Variants in GPR17 observed in about 807,000 individuals in gnomAD.
GPR17 encodes the protein G protein-coupled receptor 17.
A neutral mutation model predicts 1.5 loss-of-function variants in GPR17; 4 were observed. The ratio of observed to expected loss-of-function variants is 2.73; its 90% CI spans 1.35 to 6.25. The LOEUF is 6.25. Among genes scored for constraint, GPR17 ranks in the 30% most tolerant of loss-of-function variants. The pLI, the probability that GPR17 is intolerant of heterozygous loss-of-function variation, is 0.00. For missense variants in GPR17, 463 were observed against 462.1 expected (o/e 1.00, Z -0.02); for synonymous variants, 209 against 207.6 (o/e 1.01, Z -0.06).
chr2:127,651,545 C>T lies in GPR17; in HGVS notation c.810C>T (p.Ala270=). The T allele has an allele frequency of 6.2e-7, 1 of 1,612,624 alleles. No homozygotes were observed. The highest frequency in any genetic ancestry group is 1.6e-4 in the Middle Eastern group (1 of 6,062). ...LHYRSHGASC[A]TQRILALANR... ...ACCGCAGCCATGGGGCCTCCTGCGC[C>T]ACCCAGCGCATCCTGGCCCTGGCAA... The change falls in exon 2 of 2, where the codon GCC becomes GCT. Residue 270 remains alanine (A), a synonymous_variant. Coordinates refer to ENST00000486700, the MANE Select transcript of GPR17 (RefSeq NM_001161417.2).
chr2:127,651,273 G>A lies in GPR17; in HGVS notation c.538G>A (p.Val180Ile), dbSNP rs1159607086. ...GACCGTGCAGACCAACCACACGGTGGTCTGCCTGCAGCTGTACCGGGAGAA... is the reference window on the plus strand; with the variant it reads ...GACCGTGCAGACCAACCACACGGTGATCTGCCTGCAGCTGTACCGGGAGAA... ...PQTVQTNHTVVCLQLYREKAS... is the reference protein window; with the variant it reads ...PQTVQTNHTVICLQLYREKAS... Residue 180 changes from valine to isoleucine, a missense_variant, in exon 2 of 2, where the codon GTC (valine) becomes ATC (isoleucine). Val to Ile is a conservative substitution (Grantham distance 29). Coordinates refer to ENST00000486700, the MANE Select transcript of GPR17 (RefSeq NM_001161417.2). The A allele has an allele frequency of 8.1e-6, 13 of 1,606,702 alleles. No individual in the cohort carries two copies. The highest frequency in any genetic ancestry group is 8.5e-6 in the Non-Finnish European group (10 of 1,179,628).
Position 127,651,512 on chromosome 2 carries a change from G to C in GPR17, c.777G>C (p.Val259=). Residue 259 remains valine (V), a synonymous_variant, in exon 2 of 2, where the codon GTG becomes GTC. Transcript: ENST00000486700. ...ACCACGTCAACCGCTCCGTCTACGT[G>C]CTGCACTACCGCAGCCATGGGGCCT... ...VPYHVNRSVY[V]LHYRSHGASC... 1.2e-6 allele frequency: 2 copies of C among 1,612,698 alleles called. No individual in the cohort carries two copies.
chr2:127,649,213 G>A (rs1386492213), intron 1 of GPR17, among the ~76,000 whole-genome samples: 2 of 63,688 alleles, frequency 3.1e-5, no homozygotes, highest in Admixed American at 1.3e-4. Flanking sequence ...GGAAGGAAGG[G>A]CAGGGAGAAA....
Position 127,651,596 on chromosome 2 carries a change from C to A in GPR17, c.861C>A (p.Ser287Arg), listed in dbSNP as rs996419857. 3 of 1,613,448 alleles carry A rather than the reference C, an allele frequency of 1.9e-6. No homozygotes were observed. The highest frequency in any genetic ancestry group is 2.5e-6 in the Non-Finnish European group (3 of 1,180,042). ...LANRITSCLTSLNGALDPIMY... is the reference protein window; with the variant it reads ...LANRITSCLTRLNGALDPIMY... ...ACCGCATCACCTCCTGCCTCACCAG[C>A]CTCAACGGGGCACTCGACCCCATCA... Residue 287 changes from serine to arginine, a missense_variant, in exon 2 of 2, where the codon AGC becomes AGA. Ser to Arg is a moderately radical substitution (Grantham distance 110, BLOSUM62 -1). Transcript: ENST00000486700.
At position 127,651,638 on chromosome 2, in the gene GPR17, T is replaced by G; in HGVS notation, c.903T>G (p.Ala301=). Residue 301 remains alanine (A), a synonymous_variant, in exon 2 of 2, where the codon GCT becomes GCG. Transcript: ENST00000486700. ...ACCCCATCATGTATTTCTTCGTGGC[T>G]GAGAAGTTCCGCCACGCCCTGTGCA... The part of the protein sequence containing the change: ...ALDPIMYFFV[A]EKFRHALCNL... 1.2e-6 allele frequency: 2 copies of G among 1,613,502 alleles called. No individual in the cohort carries two copies. Among genetic ancestry groups the G allele is most frequent in the Admixed American group, 1.7e-5 (1 of 60,030 alleles).
chr2:127,650,317 C>G (rs1377568080), intron 1 of GPR17: 4 of 564,934 alleles, frequency 7.1e-6, no homozygotes, highest in Admixed American at 6.5e-5. Context: ...CTGCCCCCGC[C>G]CCTCACCACC....
rs1377983309 is a variant in GPR17 at position 127,651,555 on chromosome 2, A to G, written c.820A>G (p.Ile274Val). Reference protein sequence around the residue: ...SHGASCATQRILALANRITSC... With the variant: ...SHGASCATQRVLALANRITSC... ...TGGGGCCTCCTGCGCCACCCAGCGC[A>G]TCCTGGCCCTGGCAAACCGCATCAC... The change falls in exon 2 of 2, where the codon ATC becomes GTC. Residue 274 changes from isoleucine to valine, a missense_variant. Physicochemically the swap from Ile to Val is conservative, Grantham distance 29 (BLOSUM62 3). Coordinates refer to ENST00000486700, the MANE Select transcript of GPR17 (RefSeq NM_001161417.2). 10 of 1,612,578 alleles carry G rather than the reference A, an allele frequency of 6.2e-6. No individual in the cohort carries two copies. The highest frequency in any genetic ancestry group is 8.5e-6 in the Non-Finnish European group (10 of 1,180,034).
chr2:127,652,043 C>A lies in GPR17; in HGVS notation c.*288C>A, dbSNP rs903861702. The A allele has an allele frequency of 2.3e-6, 1 of 439,862 alleles. No homozygotes were observed. The highest frequency in any genetic ancestry group is 4.2e-6 in the Non-Finnish European group (1 of 238,874). The allele number at this position is 439,862 out of a possible 1,614,324, so 27.2% of individuals were successfully genotyped here. On this transcript the variant is annotated 3_prime_UTR_variant, in exon 2 of 2. Coordinates refer to ENST00000486700, the MANE Select transcript of GPR17 (RefSeq NM_001161417.2). Reference sequence around the variant, plus strand: ...GGAGGCCGGAAGAACAACCCCTGAACAATGGAGGCCTTTCTTTCCCGCTAG... The same window carrying A: ...GGAGGCCGGAAGAACAACCCCTGAAAAATGGAGGCCTTTCTTTCCCGCTAG...
chr2:127,648,101 C>T (rs556879777), intron 1 of GPR17: 2 of 985,568 alleles, frequency 2.0e-6, no homozygotes, highest in South Asian at 9.4e-5. Context: ...GGGAAAGTGC[C>T]AGCCGAGACC....
chr2:127,650,005 T>C, intron 1 of GPR17: 2 of 1,606,520 alleles, frequency 1.2e-6, no homozygotes, highest in Non-Finnish European at 1.7e-6. Flanking sequence ...TCTCCCCACC[T>C]GTCAGGATGT....
chr2:127,649,165 TAGGAAGGAAGGAAGGAAGGA>T (rs376330379), intron 1 of GPR17, among the ~76,000 whole-genome samples: 47 of 134,236 alleles, frequency 3.5e-4, no homozygotes, highest in African/African-American at 1.0e-3. Flanking sequence ...GAGAGGAAGG[TAGGAAGGAAGGAAGGAAGGA>T]AGGAAGGAAG....
intron 1 of GPR17, among the ~76,000 whole-genome samples, chr2:127,648,478 CCAT>C (rs1683239662): frequency 6.6e-6 from 1 of 152,168 alleles, no homozygotes; most frequent in Non-Finnish European, 1.5e-5. Flanking sequence ...AGGGCCACCA[CCAT>C]GCCTGCTTCT....
chr2:127,650,300 A>G, intron 1 of GPR17: 1 of 577,030 alleles, frequency 1.7e-6, no homozygotes. Flanking sequence ...GGAATCCCGG[A>G]GACACACTGC....
In GPR17 at chr2:127,646,158, GC is replaced by G. The variant is rs1038747916; in HGVS notation, c.-102del. The G allele has an allele frequency of 6.6e-6, 1 of 152,464 alleles. No individual in the cohort carries two copies. Among genetic ancestry groups the G allele is most frequent in the Non-Finnish European group, 1.5e-5 (1 of 68,216 alleles). The allele number at this position is 152,464 out of a possible 1,614,324, so 9.4% of individuals were successfully genotyped here. A position where few individuals can be genotyped will look rare whatever the true frequency, so the allele number is the denominator to read the frequency against. The stretch of plus-strand genomic sequence containing the variant: ...AGCGTTCCACCCACAGCGGCAAGGA[GC>G]CCCCTGCCACCACCGACACCCACGG... On this transcript the variant is annotated 5_prime_UTR_variant, in exon 1 of 2. Transcript: ENST00000486700.
chr2:127,647,259 G>A lies in GPR17; in HGVS notation c.-21+1015G>A, dbSNP rs1683091913. Among the ~76,000 whole-genome samples the A allele has an allele frequency of 6.6e-6, 1 of 152,158 alleles. No individual in the cohort carries two copies. Among genetic ancestry groups the A allele is most frequent in the African/African-American group, 2.4e-5 (1 of 41,428 alleles). On this transcript the variant is annotated intron_variant, in intron 1 of 1. Coordinates refer to ENST00000486700, the MANE Select transcript of GPR17 (RefSeq NM_001161417.2). This position sits in a 1 kb window ranked among gnomAD's most constrained non-coding sequence, Gnocchi z 4.3. The stretch of plus-strand genomic sequence containing the variant: ...GGCCCCAGGGCCAGGAGGGGGTGCT[G>A]AGCCTGGGAGACAACTCCATGGCAA...
In GPR17 at chr2:127,651,863, T is replaced by A; in HGVS notation, c.*108T>A. ...CCTCCCCAGCAAGCAACCTGAAATC[T>A]CAGCAGATGCCCACCATTTCTCTAG... is the stretch of plus-strand genomic sequence containing the variant. On this transcript the variant is annotated 3_prime_UTR_variant, in exon 2 of 2. Transcript: ENST00000486700. 1.0e-6 allele frequency: 1 copy of A among 999,924 alleles called. No individual in the cohort carries two copies. The highest frequency in any genetic ancestry group is 1.5e-6 in the Non-Finnish European group (1 of 669,824). The allele number at this position is 999,924 out of a possible 1,614,324, so 61.9% of individuals were successfully genotyped here.
At chr2:127,649,084 AAAAAAAG>A (rs1447586018) in intron 1 of GPR17, among the ~76,000 whole-genome samples, 1 of 141,460 alleles carries the variant, frequency 7.1e-6, no homozygotes, top group Non-Finnish European at 1.6e-5. Flanking sequence ...AAAAGAAAAG[AAAAAAAG>A]AAAAAAGAAA....
In GPR17 at chr2:127,651,417, C is replaced by T. The variant is rs966317251; in HGVS notation, c.682C>T (p.Arg228Cys). 25 of 1,612,692 alleles carry T rather than the reference C, an allele frequency of 1.6e-5. No individual in the cohort carries two copies. Among genetic ancestry groups the T allele is most frequent in the African/African-American group, 6.7e-5 (5 of 74,950 alleles). ...SLRQGLRVEKRLKTKAVRMIA... is the reference protein window; with the variant it reads ...SLRQGLRVEKCLKTKAVRMIA... ...GCGGCAGGGCCTGCGTGTGGAGAAGCGCCTCAAGACCAAGGCAGTGCGCAT... is the reference window on the plus strand; with the variant it reads ...GCGGCAGGGCCTGCGTGTGGAGAAGTGCCTCAAGACCAAGGCAGTGCGCAT... Residue 228 changes from arginine to cysteine, a missense_variant, in exon 2 of 2, where the codon CGC becomes TGC. By Grantham distance (180) the Arg-to-Cys change is radical. Coordinates refer to ENST00000486700, the MANE Select transcript of GPR17 (RefSeq NM_001161417.2).
Position 127,650,761 on chromosome 2 carries a change from C to T in GPR17, c.26C>T (p.Pro9Leu). The T allele has an allele frequency of 6.2e-7, 1 of 1,613,734 alleles. No individual in the cohort carries two copies. Among genetic ancestry groups the T allele is most frequent in the Non-Finnish European group, 8.5e-7 (1 of 1,179,790 alleles). Residue 9 changes from proline to leucine, a missense_variant, in exon 2 of 2, where the codon CCA becomes CTA. By Grantham distance (98) the Pro-to-Leu change is moderately conservative. Transcript: ENST00000486700. MNGLEVAPPGLITNFSLAT... is the reference protein window; with the variant it reads MNGLEVAPLGLITNFSLAT... ...ATGAATGGCCTTGAAGTGGCTCCCCCAGGTCTGATCACCAACTTCTCCCTG... is the reference window on the plus strand; with the variant it reads ...ATGAATGGCCTTGAAGTGGCTCCCCTAGGTCTGATCACCAACTTCTCCCTG...
Sources: gnomAD v4.1 joint callset for allele counts (sites outside exome capture counted in the v4.1 genomes callset) on GRCh38, gnomAD v4.1.1 for gene constraint, Gnocchi (gnomAD v3.1) non-coding constraint, MANE v1.5 for transcripts, NCBI Gene and HGNC (gene_info 2026-07-23, HGNC 2026-07-21) for gene names.